Variants in NEDD4L observed in about 807,000 individuals in gnomAD.
NEDD4L encodes NEDD4 like E3 ubiquitin protein ligase, also known as E3 ubiquitin-protein ligase NEDD4-like.
A neutral mutation model predicts 148.9 loss-of-function variants in NEDD4L; 54 were observed. The ratio of observed to expected loss-of-function variants is 0.36; its 90% CI spans 0.29 to 0.45. The LOEUF (loss-of-function observed/expected upper bound fraction) is 0.45, where lower values mean the gene tolerates loss of function less well. Ranked by LOEUF, NEDD4L falls within the 20% of genes least tolerant of loss-of-function variation. NEDD4L has a pLI of 1.00. For synonymous variants in NEDD4L, 433 were observed against 440.7 expected (o/e 0.98, Z 0.22); for missense variants, 856 against 1,233.8 (o/e 0.69, Z 4.59).
At chr18:58,079,431 CT>C (rs1434947343) in intron 1 of NEDD4L, among the ~76,000 whole-genome samples, 1 of 152,226 alleles carries the variant, frequency 6.6e-6, no homozygotes, top group African/African-American at 2.4e-5. Flanking sequence ...CTTACTGCCC[CT>C]GAGATCTTAA....
intron 1 of NEDD4L, among the ~76,000 whole-genome samples, chr18:58,071,205 A>G (rs1799448355): frequency 6.6e-6 from 1 of 152,158 alleles, no homozygotes; most frequent in Admixed American, 6.5e-5. Flanking sequence ...TATGCTTGTG[A>G]GGTTGAAGCC....
chr18:58,046,028 G>A (rs965807260), intron 1 of NEDD4L: 1 of 152,184 alleles, frequency 6.6e-6, no homozygotes, highest in Admixed American at 6.5e-5. Flanking sequence ...CGTAAGTGTG[G>A]AATGAAAGGT....
chr18:58,364,362 TTG>T (rs1212991312), intron 20 of NEDD4L, 29 bp downstream of exon 20: 12 of 1,440,382 alleles, frequency 8.3e-6, no homozygotes, highest in African/African-American at 5.7e-5. Flanking sequence ...CAAAAATGCT[TTG>T]TGTTAGTCAT....
rs565583373 is a variant in NEDD4L, at chr18:58,354,143, A to C, written c.1709-3051A>C. On this transcript the variant is annotated intron_variant, in intron 18 of 30. Transcript: ENST00000400345. Reference sequence around the variant, plus strand: ...TCCTGGCTCTTGGGCCTCAGGTGGGAGGTTAAAGGAAGGTCTTAAACTGAA... The same window carrying C: ...TCCTGGCTCTTGGGCCTCAGGTGGGCGGTTAAAGGAAGGTCTTAAACTGAA... 2.0e-5 allele frequency among the ~76,000 whole-genome samples: 3 copies of C among 152,230 alleles called. No individual in the cohort carries two copies. The South Asian group carries it at 6.2e-4, about 32-fold the overall frequency.
chr18:58,311,185 A>G (rs1358322666), intron 5 of NEDD4L, among the ~76,000 whole-genome samples: 2 of 152,236 alleles, frequency 1.3e-5, no homozygotes, highest in East Asian at 3.8e-4. Flanking sequence ...TTATGTATGC[A>G]TGTAACTGAG....
intron 1 of NEDD4L, among the ~76,000 whole-genome samples, chr18:58,066,048 G>A (rs2144788859): frequency 6.6e-6 from 1 of 152,328 alleles, no homozygotes; most frequent in South Asian, 2.1e-4. Flanking sequence ...ATCTCATAGA[G>A]TTAGCATCAG....
At chr18:58,381,810 T>TC (rs1805401473) in intron 24 of NEDD4L, among the ~76,000 whole-genome samples, 1 of 152,040 alleles carries the variant, frequency 6.6e-6, no homozygotes, top group South Asian at 2.1e-4. Context: ...CTGGCAGAGT[T>TC]TCACTGTAGA....
At chr18:58,162,004 A>T (rs368217746) in intron 1 of NEDD4L, among the ~76,000 whole-genome samples, 1 of 152,100 alleles carries the variant, frequency 6.6e-6, no homozygotes, top group Non-Finnish European at 1.5e-5. Flanking sequence ...CATGTTTGTA[A>T]CTCAATTTTA....
At chr18:58,220,755 G>A (rs779694879) in intron 2 of NEDD4L, among the ~76,000 whole-genome samples, 11 of 152,162 alleles carry the variant, frequency 7.2e-5, no homozygotes, top group Non-Finnish European at 1.5e-4. Flanking sequence ...TGGAGAGTAG[G>A]GTGTGACTTC....
intron 1 of NEDD4L, among the ~76,000 whole-genome samples, chr18:58,115,261 T>C (rs1235801360): frequency 1.3e-5 from 2 of 150,192 alleles, no homozygotes; most frequent in East Asian, 1.9e-4. Context: ...TTTTTTTTTT[T>C]CTGGTTCTGG....
intron 1 of NEDD4L, 133 bp from the exon 2 acceptor site, chr18:58,165,655 G>A (rs2036756531): frequency 6.5e-7 from 1 of 1,529,252 alleles, no homozygotes; most frequent in Admixed American, 2.0e-5. Context: ...AGGAAGAATT[G>A]CTTATGCTCG....
intron 1 of NEDD4L, among the ~76,000 whole-genome samples, chr18:58,082,102 A>ATATATATATATATATTTTTTTTT: frequency 6.1e-5 from 3 of 48,856 alleles, no homozygotes; most frequent in African/African-American, 3.8e-4. Flanking sequence ...ATATATATAT[A>ATATATATATATATATTTTTTTTT]TTTTTTTTTT....
intron 5 of NEDD4L, among the ~76,000 whole-genome samples, chr18:58,314,838 A>G (rs1229903012): frequency 6.6e-6 from 1 of 152,202 alleles, no homozygotes; most frequent in Non-Finnish European, 1.5e-5. Context: ...CAATTATCTA[A>G]AAGGAATTCC....
chr18:58,096,416 A>AT (rs1161635762), intron 1 of NEDD4L, among the ~76,000 whole-genome samples: 4 of 97,946 alleles, frequency 4.1e-5, no homozygotes, highest in African/African-American at 7.3e-5. Flanking sequence ...ATTTTATTTT[A>AT]TTTATTTGAC....
intron 1 of NEDD4L, among the ~76,000 whole-genome samples, chr18:58,116,052 C>A (rs2085809265): frequency 6.6e-6 from 1 of 152,208 alleles, no homozygotes; most frequent in African/African-American, 2.4e-5. Context: ...CTACTGTGTC[C>A]TTCTCAGTGG....
intron 5 of NEDD4L, among the ~76,000 whole-genome samples, chr18:58,314,774 C>T (rs188579659): frequency 2.0e-5 from 3 of 152,224 alleles, no homozygotes; most frequent in Admixed American, 2.0e-4. Flanking sequence ...TTTTTATTAT[C>T]CAGAATGGAT....
At chr18:58,349,379 C>A (rs533006375) in intron 16 of NEDD4L, among the ~76,000 whole-genome samples, 158 bp from the exon 17 acceptor site, 72 of 151,858 alleles carry the variant, frequency 4.7e-4, no homozygotes, top group African/African-American at 1.7e-3. Flanking sequence ...AGACAGTCAG[C>A]CAGGCTTCCT....
chr18:58,092,329 G>A (rs2084119557), intron 1 of NEDD4L, among the ~76,000 whole-genome samples: 1 of 152,202 alleles, frequency 6.6e-6, no homozygotes, highest in Admixed American at 6.5e-5. Flanking sequence ...ATCCCCATGG[G>A]TGTATTTGGG....
chr18:58,132,547 G>T (rs1209274003), intron 1 of NEDD4L, among the ~76,000 whole-genome samples: 3 of 152,170 alleles, frequency 2.0e-5, no homozygotes, highest in African/African-American at 7.2e-5. Context: ...AATGCTCTTA[G>T]CAAGTTGATT....
Sources: allele counts gnomAD v4.1 joint callset (sites outside exome capture counted in the v4.1 genomes callset), GRCh38; gene constraint gnomAD v4.1.1; transcripts MANE v1.5; gene names NCBI Gene and HGNC (gene_info 2026-07-23, HGNC 2026-07-21).